The following C7 variants were observed in gnomAD, a reference collection of about 807,000 sequenced individuals.
C7 encodes complement component C7.
C7 carries 83 observed loss-of-function variants against 104.8 expected under a neutral mutation model. The ratio of observed to expected loss-of-function variants is 0.79; its 90% CI spans 0.66 to 0.95. The LOEUF is 0.95. Among genes scored for constraint, C7 ranks in the 40% least tolerant of loss-of-function variants. The pLI is 0.00. For synonymous variants in C7, 415 were observed against 360.6 expected, an observed-to-expected ratio of 1.15 and a Z score of -1.71; for missense variants, 1,070 against 1,011.2, an observed-to-expected ratio of 1.06 and a Z score of -0.79.
intron 13 of C7, among the ~76,000 whole-genome samples, chr5:40,964,031 T>G (rs1249072311): frequency 4.8e-5 from 6 of 125,698 alleles, no homozygotes; most frequent in African/African-American, 1.4e-4. Flanking sequence ...TTTTTTTTTT[T>G]TTTTTTTTTT....
In C7 at chr5:40,931,233, G is replaced by A. The variant is rs1272790644; in HGVS notation, c.138+94G>A. On this transcript the variant is annotated intron_variant, in intron 3 of 17. Transcript: ENST00000313164. ...TTAACTTTTGAATGTTCATTAAATAGTGTCAATATTTTTTGAAAACTATGT... is the reference window on the plus strand; with the variant it reads ...TTAACTTTTGAATGTTCATTAAATAATGTCAATATTTTTTGAAAACTATGT... 3.4e-5 allele frequency: 29 copies of A among 859,732 alleles called. No homozygotes were observed. In the East Asian group the frequency reaches 3.7e-4, roughly 11 times the overall value. 53.3% of individuals were successfully genotyped at this position (859,732 alleles called of 1,614,324 possible).
At chr5:40,922,374 C>CAAAAAAAAAA (rs869109946) in intron 1 of C7, among the ~76,000 whole-genome samples, 7 of 43,082 alleles carry the variant, frequency 1.6e-4, no homozygotes, top group African/African-American at 4.6e-4. Flanking sequence ...GACTCTGTCT[C>CAAAAAAAAAA]AAAAAAAAAA....
At chr5:40,946,690 T>C (rs1308390559) in intron 7 of C7, among the ~76,000 whole-genome samples, 1 of 152,172 alleles carries the variant, frequency 6.6e-6, no homozygotes, top group Non-Finnish European at 1.5e-5. Flanking sequence ...TATATACTTA[T>C]ATTTATCAGT....
chr5:40,914,702 A>G (rs868693588), intron 1 of C7, among the ~76,000 whole-genome samples: 2 of 152,224 alleles, frequency 1.3e-5, no homozygotes, highest in Non-Finnish European at 1.5e-5. Context: ...TCTATGCAAT[A>G]TTACAAAGAG....
chr5:40,909,637 CT>C, intron 1 of C7, 21 bp downstream of exon 1: 1 of 1,507,634 alleles, frequency 6.6e-7, no homozygotes. Flanking sequence ...AAATTCATTA[CT>C]TTTGTAAATG....
chr5:40,935,252 C>T (rs1167697000), intron 4 of C7, among the ~76,000 whole-genome samples: 1 of 152,154 alleles, frequency 6.6e-6, no homozygotes, highest in Non-Finnish European at 1.5e-5. Context: ...GCATATTGTA[C>T]CATCTGTCAT....
chr5:40,955,418 G>A lies in C7; in HGVS notation c.1125G>A (p.Pro375=), dbSNP rs1269582660. Reference sequence around the variant, plus strand: ...AGAACAATGTATTGCGAGGAGAACCGTTCATCAGAGGGGGAGGTGCAGGCT... The same window carrying A: ...AGAACAATGTATTGCGAGGAGAACCATTCATCAGAGGGGGAGGTGCAGGCT... ...GTQNNVLRGE[P]FIRGGGAGFI... is the part of the protein sequence containing the mutation. Residue 375 remains proline, a synonymous_variant, in exon 10 of 18, where the codon CCG becomes CCA. Transcript: ENST00000313164. 5 of 1,611,174 alleles carry A rather than the reference G, an allele frequency of 3.1e-6. No individual in the cohort carries two copies. The highest frequency in any genetic ancestry group is 1.1e-5 in the South Asian group (1 of 90,402).
rs370928730 is a variant in C7 at position 40,981,609 on chromosome 5, A to G, written c.*36A>G. ...GCCCTGGTCAGCTTGCTTGGAATCC[A>G]GCAGGCAGCTGGGGCTGAGTGAAAA... On this transcript the variant is annotated 3_prime_UTR_variant, in exon 18 of 18. Transcript: ENST00000313164. 3.8e-6 allele frequency: 6 copies of G among 1,562,604 alleles called. No individual in the cohort carries two copies. In the African/African-American group the frequency reaches 5.4e-5, roughly 14 times the overall value.
intron 6 of C7, among the ~76,000 whole-genome samples, chr5:40,943,465 T>A (rs922730863): frequency 4.6e-5 from 7 of 152,030 alleles, no homozygotes; most frequent in Admixed American, 2.0e-4. Flanking sequence ...TGCAGCTATG[T>A]GTAGGTAGAT....
rs180680296 is a variant in C7 at position 40,951,302 on chromosome 5, T to G, written c.1093+1288T>G. On this transcript the variant is annotated intron_variant, in intron 9 of 17. Transcript: ENST00000313164. ...CAGATGCATAGTTTGCAAATATTTT[T>G]TCCCATTTTGTGGGTTGTCTGTTAC... 3.3e-4 allele frequency among the ~76,000 whole-genome samples: 50 copies of G among 152,320 alleles called. No homozygotes were observed. In the East Asian group the frequency reaches 7.1e-3, roughly 22 times the overall value.
In C7 at chr5:40,978,914, C is replaced by T. The variant is rs532429275; in HGVS notation, c.2166-811C>T. Among the ~76,000 whole-genome samples the T allele has an allele frequency of 1.3e-4, 10 of 77,036 alleles. No individual in the cohort carries two copies. In the Admixed American group the frequency reaches 1.6e-3, roughly 12 times the overall value. 50.5% of individuals were successfully genotyped at this position (77,036 alleles called of 152,430 possible). ...TTTTTTTTTGGGACACAGTTTCATT[C>T]AGTCATCCAGACTGGAATGCAGTAG... On this transcript the variant is annotated intron_variant, in intron 16 of 17. Transcript: ENST00000313164.
intron 9 of C7, 136 bp from the exon 10 acceptor site, chr5:40,955,251 C>T: frequency 1.4e-6 from 1 of 724,576 alleles, no homozygotes; most frequent in South Asian, 1.9e-5. Flanking sequence ...GCCTATTCAT[C>T]CCTCCCTTCT....
chr5:40,956,382 A>G (rs1740291323), intron 10 of C7, among the ~76,000 whole-genome samples: 1 of 152,204 alleles, frequency 6.6e-6, no homozygotes, highest in Non-Finnish European at 1.5e-5. Flanking sequence ...TTTATAATGC[A>G]GGAAATGAAC....
chr5:40,953,235 T>TA (rs1166631360), intron 9 of C7, among the ~76,000 whole-genome samples: 1 of 152,130 alleles, frequency 6.6e-6, no homozygotes, highest in Non-Finnish European at 1.5e-5. Flanking sequence ...ATGTGAGGGT[T>TA]AAAAAAATTG....
At chr5:40,960,929 G>A (rs899033620) in intron 12 of C7, among the ~76,000 whole-genome samples, 4 of 152,136 alleles carry the variant, frequency 2.6e-5, no homozygotes, top group Non-Finnish European at 5.9e-5. Context: ...TAGTCATAGT[G>A]ATGGTAAAGT....
At chr5:40,959,286 T>C (rs1409772872) in intron 11 of C7, among the ~76,000 whole-genome samples, 163 bp from the exon 12 acceptor site, 1 of 152,244 alleles carries the variant, frequency 6.6e-6, no homozygotes, top group Non-Finnish European at 1.5e-5. Flanking sequence ...CTAGTCTGTA[T>C]GTAGAGCCAT....
chr5:40,966,728 A>G (rs1037390422), intron 14 of C7, among the ~76,000 whole-genome samples: 10 of 152,246 alleles, frequency 6.6e-5, no homozygotes, highest in Non-Finnish European at 1.0e-4. Flanking sequence ...AATAGTCTCC[A>G]GTCTCATCCA....
intron 1 of C7, among the ~76,000 whole-genome samples, chr5:40,915,168 G>A (rs1280785189): frequency 2.0e-5 from 3 of 152,212 alleles, no homozygotes; most frequent in Non-Finnish European, 4.4e-5. Context: ...AACACTGGGA[G>A]AGATAAAGAA....
At chr5:40,968,529 A>G (rs1240937977) in intron 14 of C7, among the ~76,000 whole-genome samples, 3 of 136,182 alleles carry the variant, frequency 2.2e-5, no homozygotes, top group Non-Finnish European at 4.7e-5. Context: ...TTTAAATTTT[A>G]TCAATTTTAT....
Sources: allele counts gnomAD v4.1 joint callset (sites outside exome capture counted in the v4.1 genomes callset), GRCh38; gene constraint gnomAD v4.1.1; transcripts MANE v1.5; gene names NCBI Gene and HGNC (gene_info 2026-07-23, HGNC 2026-07-21).